CFAP54: variants seen among roughly 807,000 people sequenced by gnomAD.
The protein encoded by CFAP54 is cilia and flagella associated protein 54.
A neutral mutation model predicts 370.4 loss-of-function variants in CFAP54; 290 were observed. That is an observed-to-expected ratio of 0.78 (90% CI 0.71 to 0.86). The LOEUF is 0.86. Ranked by LOEUF, CFAP54 falls within the 40% of genes least tolerant of loss-of-function variation. The pLI, the probability that CFAP54 is intolerant of heterozygous loss-of-function variation, is 0.00. For synonymous variants in CFAP54, 1,206 were observed against 1,236.5 expected (o/e 0.98, Z 0.52); for missense variants, 3,399 against 3,528.7 (o/e 0.96, Z 0.93).
At chr12:96,779,627 A>T (rs1291159147) in intron 60 of CFAP54, among the ~76,000 whole-genome samples, 1 of 149,098 alleles carries the variant, frequency 6.7e-6, no homozygotes, top group Non-Finnish European at 1.5e-5. Flanking sequence ...ATCTTATATG[A>T]ATTATATGTT....
At chr12:96,771,333 G>T (rs1163143341) in intron 60 of CFAP54, among the ~76,000 whole-genome samples, 1 of 152,168 alleles carries the variant, frequency 6.6e-6, no homozygotes, top group Non-Finnish European at 1.5e-5. Context: ...GTAGATTCAG[G>T]GAAACAGCAC....
At chr12:96,650,194 C>G in intron 35 of CFAP54, 122 bp downstream of exon 35, 1 of 837,350 alleles carries the variant, frequency 1.2e-6, no homozygotes, top group Admixed American at 2.7e-5. Context: ...ACTTTGAGAT[C>G]TCATCTTGCT....
At chr12:96,865,927 A>G (rs769010494) in intron 67 of CFAP54, among the ~76,000 whole-genome samples, 8 of 152,156 alleles carry the variant, frequency 5.3e-5, no homozygotes, top group Non-Finnish European at 8.8e-5. Flanking sequence ...TTAAATTTCA[A>G]TATAAGATAG....
In CFAP54 at chr12:96,576,565, AT is replaced by A. The variant is rs1432887960; in HGVS notation, c.2620-16del. 2.7e-6 allele frequency: 4 copies of A among 1,466,490 alleles called. No individual in the cohort carries two copies. Among genetic ancestry groups the A allele is most frequent in the East Asian group, 4.9e-5 (2 of 40,452 alleles). The allele number at this position is 1,466,490 out of a possible 1,614,324, so 90.8% of individuals were successfully genotyped here. ...TCAAGCTCTTGACATATATTTTTCTATTTTCATATTTCATTATAGGAAGCAT... is the reference window on the plus strand; with the variant it reads ...TCAAGCTCTTGACATATATTTTTCTATTTCATATTTCATTATAGGAAGCAT... On this transcript the variant is annotated intron_variant, in intron 19 of 67. Coordinates refer to ENST00000524981, the MANE Select transcript of CFAP54 (RefSeq NM_001306084.2).
intron 56 of CFAP54, among the ~76,000 whole-genome samples, chr12:96,754,942 C>T (rs936424947): frequency 6.6e-6 from 1 of 152,046 alleles, no homozygotes; most frequent in Non-Finnish European, 1.5e-5. Flanking sequence ...TGGGGTTTCA[C>T]TATGTTGGCC....
At chr12:96,779,294 C>T (rs1438865951) in intron 60 of CFAP54, among the ~76,000 whole-genome samples, 1 of 152,044 alleles carries the variant, frequency 6.6e-6, no homozygotes, top group African/African-American at 2.4e-5. Context: ...GATAGTTTGG[C>T]CAGCTTTTGA....
intron 60 of CFAP54, among the ~76,000 whole-genome samples, chr12:96,782,668 G>A (rs555957606): frequency 6.9e-4 from 105 of 152,126 alleles, no homozygotes; most frequent in Non-Finnish European, 1.2e-3. Context: ...TTCTAAAAAT[G>A]ATTGATAGAT....
intron 39 of CFAP54, among the ~76,000 whole-genome samples, chr12:96,668,299 A>G (rs2193742): frequency 0.36 from 54,840 of 152,054 alleles, 10,150 homozygotes; most frequent in Middle Eastern, 0.41. Flanking sequence ...ACTACCTGGT[A>G]CCAGTTTACT....
intron 19 of CFAP54, among the ~76,000 whole-genome samples, chr12:96,565,371 T>C (rs1457075321): frequency 6.6e-6 from 1 of 152,134 alleles, no homozygotes. Context: ...TGGGTGGGAC[T>C]ACAGACATGC....
intron 40 of CFAP54, among the ~76,000 whole-genome samples, chr12:96,681,408 T>G (rs1377418730): frequency 6.6e-6 from 1 of 151,764 alleles, no homozygotes; most frequent in Admixed American, 6.6e-5. Context: ...GAACTACCTG[T>G]GTGTTGCTTC....
chr12:96,535,562 G>A lies in CFAP54; in HGVS notation c.1753G>A (p.Ala585Thr), dbSNP rs944872864. ...ATATTCAGAGGATATTTTCCATTTGGCAGCAACCTTGTATGTCTGTGTCTG... is the reference window on the plus strand; with the variant it reads ...ATATTCAGAGGATATTTTCCATTTGACAGCAACCTTGTATGTCTGTGTCTG... ...CGYSEDIFHL[A>T]ATLYVCVCTA... is the part of the protein sequence containing the mutation. Residue 585 changes from alanine to threonine, a missense_variant, in exon 12 of 68, where the codon GCA becomes ACA. Physicochemically the swap from Ala to Thr is moderately conservative, Grantham distance 58. Around this residue, in one of 3 missense-constraint regions of CFAP54, gnomAD observed 2,796 missense variants for 2,869.7 expected, o/e 0.97. Coordinates refer to ENST00000524981, the MANE Select transcript of CFAP54 (RefSeq NM_001306084.2). 14 of 1,535,874 alleles carry A rather than the reference G, an allele frequency of 9.1e-6. No individual in the cohort carries two copies. The Admixed American group carries it at 2.4e-4, about 26-fold the overall frequency.
At chr12:96,579,779 C>G (rs780758507) in intron 20 of CFAP54, among the ~76,000 whole-genome samples, 4 of 151,950 alleles carry the variant, frequency 2.6e-5, no homozygotes, top group Non-Finnish European at 4.4e-5. Flanking sequence ...ATCTTGACAC[C>G]TCGGCGAAAG....
At position 96,658,482 on chromosome 12, in the gene CFAP54, A is replaced by G. The variant is rs969359916; in HGVS notation, c.5460+136A>G. ...TTCCACTTACTGGCATTTATCATTC[A>G]AATCAACAAACATTATTGAGAGCCT... On this transcript the variant is annotated intron_variant, in intron 38 of 67. Transcript: ENST00000524981. The G allele has an allele frequency of 8.2e-6, 9 of 1,097,834 alleles. 1 individual carries two copies. The African/African-American group carries it at 1.3e-4, about 16-fold the overall frequency. 68.0% of individuals were successfully genotyped at this position (1,097,834 alleles called of 1,614,324 possible). A position where few individuals can be genotyped will look rare whatever the true frequency, so the allele number is the denominator to read the frequency against.
At chr12:96,825,787 C>T (rs1959092744) in intron 65 of CFAP54, among the ~76,000 whole-genome samples, 1 of 127,006 alleles carries the variant, frequency 7.9e-6, no homozygotes, top group South Asian at 2.3e-4. Context: ...TATTATGTAA[C>T]ATAGTATATA....
chr12:96,503,558 T>C (rs376825669), intron 2 of CFAP54, among the ~76,000 whole-genome samples: 12 of 152,090 alleles, frequency 7.9e-5, no homozygotes, highest in African/African-American at 2.6e-4. Flanking sequence ...TGGGTTACCA[T>C]GATCTGATGA....
chr12:96,684,774 T>C (rs1158868303), intron 41 of CFAP54, 39 bp downstream of exon 41: 1 of 1,484,758 alleles, frequency 6.7e-7, no homozygotes, highest in Non-Finnish European at 9.2e-7. Context: ...GGCAAAGGTT[T>C]TTTATTTGCT....
chr12:96,542,108 C>G (rs1421742533), intron 14 of CFAP54, among the ~76,000 whole-genome samples: 2 of 152,188 alleles, frequency 1.3e-5, no homozygotes, highest in Admixed American at 1.3e-4. Flanking sequence ...ACTTATAGAG[C>G]ATGTATGACA....
intron 62 of CFAP54, among the ~76,000 whole-genome samples, chr12:96,792,083 C>T (rs1053091645): frequency 1.3e-5 from 2 of 152,052 alleles, no homozygotes; most frequent in South Asian, 2.1e-4. Context: ...AACTCCTGAC[C>T]GTGTGATCCA....
intron 64 of CFAP54, among the ~76,000 whole-genome samples, chr12:96,816,272 C>G (rs1958973806): frequency 6.6e-6 from 1 of 152,068 alleles, no homozygotes; most frequent in Admixed American, 6.5e-5. Context: ...TTGAAGAGGT[C>G]CTTCACATCC....
Sources: allele counts gnomAD v4.1 joint callset (sites outside exome capture counted in the v4.1 genomes callset), GRCh38; gene constraint gnomAD v4.1.1; regional missense constraint gnomAD v4.1.1; transcripts MANE v1.5; gene names NCBI Gene and HGNC (gene_info 2026-07-23, HGNC 2026-07-21).